The following GRIP1 variants were observed in gnomAD, a reference collection of about 807,000 sequenced individuals.
GRIP1 encodes the protein glutamate receptor interacting protein 1.
GRIP1 carries 45 observed loss-of-function variants against 129.9 expected under a neutral mutation model. That is an observed-to-expected ratio of 0.35 (90% CI 0.27 to 0.44). GRIP1 has a LOEUF of 0.44. Ranked by LOEUF, GRIP1 falls within the 20% of genes least tolerant of loss-of-function variation. The pLI, the probability that GRIP1 is intolerant of heterozygous loss-of-function variation, is 1.00. For missense variants in GRIP1, 1,196 were observed against 1,396.8 expected (o/e 0.86, Z 2.29); for synonymous variants, 530 against 520.8 (o/e 1.02, Z -0.24).
chr12:66,474,047 C>T (rs1030792604), intron 7 of GRIP1, among the ~76,000 whole-genome samples: 2 of 151,948 alleles, frequency 1.3e-5, no homozygotes, highest in African/African-American at 4.8e-5. Context: ...GCTAAAGGAG[C>T]ATGTTCTAAC....
chr12:66,667,097 A>C (rs2033838500), intron 1 of GRIP1, among the ~76,000 whole-genome samples: 1 of 152,128 alleles, frequency 6.6e-6, no homozygotes, highest in Non-Finnish European at 1.5e-5. Flanking sequence ...TGGAGAATTT[A>C]CACCAATCAT....
At chr12:66,616,668 C>G (rs1262619698) in intron 1 of GRIP1, among the ~76,000 whole-genome samples, 1 of 152,062 alleles carries the variant, frequency 6.6e-6, no homozygotes, top group Non-Finnish European at 1.5e-5. Context: ...CAAAAGCCAG[C>G]AAAAACTAAG....
chr12:66,765,797 T>C (rs1247325245), intron 1 of GRIP1, among the ~76,000 whole-genome samples: 1 of 152,240 alleles, frequency 6.6e-6, no homozygotes, highest in African/African-American at 2.4e-5. Context: ...CTCACCATCC[T>C]TGCTCTATTT....
At chr12:67,061,693 T>C (rs1008655539) in intron 1 of GRIP1, among the ~76,000 whole-genome samples, 1 of 152,170 alleles carries the variant, frequency 6.6e-6, no homozygotes, top group African/African-American at 2.4e-5. Flanking sequence ...GAATAATTAT[T>C]TTTCCTTTAA....
At chr12:66,443,557 C>T (rs1162755693) in intron 13 of GRIP1, among the ~76,000 whole-genome samples, 5 of 151,808 alleles carry the variant, frequency 3.3e-5, no homozygotes, top group South Asian at 2.1e-4. Flanking sequence ...CGGGTTCAGG[C>T]GATTCTCTGG....
intron 2 of GRIP1, among the ~76,000 whole-genome samples, chr12:66,563,101 T>C (rs1444227775): frequency 6.6e-6 from 1 of 152,000 alleles, no homozygotes; most frequent in Non-Finnish European, 1.5e-5. Context: ...CAAACCTGTG[T>C]TGTTCAAGGG....
intron 1 of GRIP1, among the ~76,000 whole-genome samples, chr12:66,994,747 ATTG>A (rs1439279628): frequency 5.9e-5 from 9 of 152,114 alleles, no homozygotes; most frequent in Non-Finnish European, 4.4e-5. Flanking sequence ...AAGACTTAAT[ATTG>A]TTAAGATGGT....
At chr12:66,701,910 C>T (rs2035366550) in intron 1 of GRIP1, among the ~76,000 whole-genome samples, 1 of 152,136 alleles carries the variant, frequency 6.6e-6, no homozygotes, top group African/African-American at 2.4e-5. Flanking sequence ...TCCTCACTCT[C>T]TTTTTAGAAC....
intron 16 of GRIP1, among the ~76,000 whole-genome samples, chr12:66,401,305 G>A (rs1409768356): frequency 1.3e-5 from 2 of 151,880 alleles, no homozygotes; most frequent in Non-Finnish European, 2.9e-5. Context: ...GGCCAGGTGC[G>A]ATGGCTCACA....
intron 7 of GRIP1, among the ~76,000 whole-genome samples, chr12:66,484,181 A>G (rs1247299276): frequency 6.6e-6 from 1 of 152,208 alleles, no homozygotes; most frequent in Admixed American, 6.5e-5. Flanking sequence ...TTCTAACAGG[A>G]TAAGTTAGCT....
intron 1 of GRIP1, among the ~76,000 whole-genome samples, chr12:66,777,367 C>A (rs1282128489): frequency 6.6e-6 from 1 of 152,250 alleles, no homozygotes. Flanking sequence ...CTGTAACTAA[C>A]CCCCTTGAAT....
chr12:66,581,127 A>C (rs1208276131), intron 2 of GRIP1, among the ~76,000 whole-genome samples: 2 of 152,206 alleles, frequency 1.3e-5, no homozygotes, highest in African/African-American at 4.8e-5. Flanking sequence ...ACTACATGGA[A>C]ACTGAACAAC....
chr12:66,572,196 A>T (rs13377630), intron 2 of GRIP1, among the ~76,000 whole-genome samples: 2,754 of 152,164 alleles, frequency 0.018, 81 homozygotes, highest in African/African-American at 0.063. Context: ...ACAGGTAAAA[A>T]CCCTTGTATA....
At chr12:66,615,775 G>A (rs2065014585) in intron 1 of GRIP1, among the ~76,000 whole-genome samples, 1 of 152,108 alleles carries the variant, frequency 6.6e-6, no homozygotes, top group Non-Finnish European at 1.5e-5. Context: ...CTCCCGAGTA[G>A]CTGGGATTAC....
rs960462447 is a variant in GRIP1 at position 66,347,488 on chromosome 12, G to C, written c.*1531C>G. On this transcript the variant is annotated 3_prime_UTR_variant, in exon 25 of 25. Transcript: ENST00000359742. ...ATCACTGTTTATTCCATTTGGTAGA[G>C]GGTTTTATTTTTTTCCATACAAATA... 6.6e-6 allele frequency: 1 copy of C among 152,046 alleles called. No homozygotes were observed. The highest frequency in any genetic ancestry group is 1.5e-5 in the Non-Finnish European group (1 of 68,022). 9.4% of individuals were successfully genotyped at this position (152,046 alleles called of 1,614,324 possible).
intron 1 of GRIP1, chr12:67,037,362 T>TAATAATAA (rs1268253372): frequency 3.4e-5 from 5 of 148,942 alleles, no homozygotes; most frequent in African/African-American, 1.2e-4. Flanking sequence ...ATAATAATAC[T>TAATAATAA]TAAATACTAA....
intron 7 of GRIP1, among the ~76,000 whole-genome samples, chr12:66,482,451 G>A (rs1360094138): frequency 2.0e-5 from 3 of 152,194 alleles, no homozygotes; most frequent in Non-Finnish European, 4.4e-5. Flanking sequence ...CATTATCCAT[G>A]TGGCAGTCAC....
chr12:66,632,842 T>C (rs985630940), intron 1 of GRIP1, among the ~76,000 whole-genome samples: 4 of 152,116 alleles, frequency 2.6e-5, no homozygotes, highest in Non-Finnish European at 4.4e-5. Context: ...TCCATTAATG[T>C]AGTGATAAGG....
chr12:66,466,803 A>G (rs911904870), intron 7 of GRIP1, among the ~76,000 whole-genome samples: 1 of 152,104 alleles, frequency 6.6e-6, no homozygotes, highest in African/African-American at 2.4e-5. Context: ...TCTAATTTTC[A>G]ACTGTTCTGA....
Sources: allele counts gnomAD v4.1 joint callset (sites outside exome capture counted in the v4.1 genomes callset), GRCh38; gene constraint gnomAD v4.1.1; transcripts MANE v1.5; gene names NCBI Gene and HGNC (gene_info 2026-07-23, HGNC 2026-07-21).